Variants in NSUN7 observed in about 807,000 individuals in gnomAD.
NSUN7 encodes NOP2/Sun RNA methyltransferase family member 7, also known as protein NSUN7.
Under a neutral mutation model 58.5 loss-of-function variants are expected in NSUN7, and 39 were observed. That is an observed-to-expected ratio of 0.67 (90% CI 0.52 to 0.87). The LOEUF is 0.87. Ranked by LOEUF, NSUN7 falls within the 40% of genes least tolerant of loss-of-function variation. The pLI is 0.00. For missense variants in NSUN7, 765 were observed against 844.1 expected (o/e 0.91, Z 1.16); for synonymous variants, 278 against 303.7 (o/e 0.92, Z 0.88).
chr4:40,761,601 A>G (rs952628340), intron 4 of NSUN7, among the ~76,000 whole-genome samples: 2 of 152,184 alleles, frequency 1.3e-5, no homozygotes, highest in Admixed American at 6.5e-5. Flanking sequence ...ACAGCTACTA[A>G]TTGCTTAGTT....
At chr4:40,774,137 G>A (rs1742150200) in intron 4 of NSUN7, 128 bp from the exon 5 acceptor site, 2 of 872,578 alleles carry the variant, frequency 2.3e-6, no homozygotes, top group Non-Finnish European at 3.6e-6. Context: ...TTTTATTTTA[G>A]ACTTCAAAAA....
chr4:40,756,104 C>G (rs1361516567), intron 2 of NSUN7, among the ~76,000 whole-genome samples: 1 of 152,114 alleles, frequency 6.6e-6, no homozygotes, highest in South Asian at 2.1e-4. Flanking sequence ...AAAAAAGTAC[C>G]TTTGTCAGAC....
intron 7 of NSUN7, among the ~76,000 whole-genome samples, chr4:40,788,023 T>C (rs956705339): frequency 5.3e-5 from 8 of 152,108 alleles, no homozygotes; most frequent in Non-Finnish European, 8.8e-5. Flanking sequence ...TTAGTAGAGA[T>C]GGGGTTTCAC....
chr4:40,792,731 G>C (rs12330943), intron 8 of NSUN7, among the ~76,000 whole-genome samples: 69 of 151,592 alleles, frequency 4.6e-4, no homozygotes, highest in African/African-American at 1.4e-3. Context: ...CAGCCTGGGC[G>C]ACAGCAAGAC....
chr4:40,793,088 T>C (rs777387756), intron 8 of NSUN7, among the ~76,000 whole-genome samples: 43 of 152,110 alleles, frequency 2.8e-4, no homozygotes, highest in Non-Finnish European at 4.6e-4. Context: ...GACTTTGGAG[T>C]ATAATAATTT....
Position 40,750,895 on chromosome 4 carries a change from A to C in NSUN7, c.202A>C (p.Ile68Leu). 1 of 1,614,216 alleles carries C rather than the reference A, an allele frequency of 6.2e-7. No homozygotes were observed. The highest frequency in any genetic ancestry group is 8.5e-7 in the Non-Finnish European group (1 of 1,180,038). ...CGAAAAGTCGGCACAGAAAGTCTTA[A>C]TCAAGTATGGGAATGAACCCCTGCG... ...RIEKSAQKVL[I>L]KYGNEPLRSL... is the part of the protein sequence containing the mutation. The change falls in exon 2 of 12, where the codon ATC becomes CTC. Residue 68 changes from isoleucine (I) to leucine (L), a missense_variant. Ile to Leu is a conservative substitution (Grantham distance 5). Transcript: ENST00000381782.
rs548487436 is a variant in NSUN7, at chr4:40,750,306, G to A, written c.-92+6G>A. Reference sequence around the variant, plus strand: ...GGGAACCATCCGCCCTCGGGGTAAGGGAGGAGTCGGGGGAGCCGGTGACTG... The same window carrying A: ...GGGAACCATCCGCCCTCGGGGTAAGAGAGGAGTCGGGGGAGCCGGTGACTG... On this transcript the variant is annotated splice_donor_region_variant and intron_variant, in intron 1 of 11. Coordinates refer to ENST00000381782, the MANE Select transcript of NSUN7 (RefSeq NM_024677.6). 5.4e-4 allele frequency: 96 copies of A among 178,962 alleles called. No homozygotes were observed. Among genetic ancestry groups the A allele is most frequent in the African/African-American group, 2.2e-3 (94 of 42,176 alleles). 11.1% of individuals were successfully genotyped at this position (178,962 alleles called of 1,614,324 possible).
intron 7 of NSUN7, among the ~76,000 whole-genome samples, chr4:40,788,128 C>T (rs993801135): frequency 3.9e-5 from 6 of 152,182 alleles, no homozygotes; most frequent in African/African-American, 1.4e-4. Flanking sequence ...CCACCGTGCC[C>T]GGCCGAGGTT....
At chr4:40,772,327 C>T (rs1424349829) in intron 4 of NSUN7, among the ~76,000 whole-genome samples, 1 of 152,140 alleles carries the variant, frequency 6.6e-6, no homozygotes, top group East Asian at 1.9e-4. Context: ...AGTCTATACT[C>T]AGAATATCTC....
At chr4:40,801,123 A>C (rs1481979648) in intron 10 of NSUN7, among the ~76,000 whole-genome samples, 1 of 152,098 alleles carries the variant, frequency 6.6e-6, no homozygotes, top group African/African-American at 2.4e-5. Context: ...AAGATTTCTT[A>C]CCTAAACTCT....
chr4:40,757,686 A>C (rs1222678339), intron 2 of NSUN7, among the ~76,000 whole-genome samples: 1 of 142,520 alleles, frequency 7.0e-6, no homozygotes, highest in Non-Finnish European at 1.5e-5. Flanking sequence ...ATATATATAC[A>C]CACTGTGTAT....
chr4:40,792,912 G>A (rs1037454413), intron 8 of NSUN7, among the ~76,000 whole-genome samples: 5 of 152,130 alleles, frequency 3.3e-5, no homozygotes, highest in African/African-American at 1.2e-4. Flanking sequence ...GAATCCGAAA[G>A]ATTATTTTAT....
intron 7 of NSUN7, 122 bp from the exon 8 acceptor site, chr4:40,790,480 C>T (rs972868481): frequency 3.3e-6 from 2 of 609,796 alleles, no homozygotes; most frequent in South Asian, 2.8e-5. Context: ...TTTCTAACTA[C>T]ATCAAAATGA....
intron 7 of NSUN7, among the ~76,000 whole-genome samples, chr4:40,788,914 A>G (rs1407143213): frequency 1.3e-5 from 2 of 152,192 alleles, no homozygotes; most frequent in African/African-American, 4.8e-5. Context: ...GAGTTTTCAA[A>G]TAGTTGAGCA....
intron 7 of NSUN7, among the ~76,000 whole-genome samples, 155 bp from the exon 8 acceptor site, chr4:40,790,443 GTAGA>G (rs909901207): frequency 1.3e-5 from 2 of 152,156 alleles, no homozygotes; most frequent in African/African-American, 4.8e-5. Flanking sequence ...TTAACTTTGG[GTAGA>G]TATCAGAGAA....
chr4:40,761,757 T>C (rs74841992), intron 4 of NSUN7, among the ~76,000 whole-genome samples: 43,920 of 152,054 alleles, frequency 0.29, 6,726 homozygotes, highest in Non-Finnish European at 0.34. Flanking sequence ...TTAAATTTGT[T>C]TTCTTTTTAT....
At position 40,761,265 on chromosome 4, in the gene NSUN7, T is replaced by A. The variant is rs139200641; in HGVS notation, c.452T>A (p.Ile151Lys). ...TRVLSDNEEP[I>K]SEVQEVENLL... The stretch of plus-strand genomic sequence containing the variant: ...GTCCTTTCTGATAATGAAGAGCCCA[T>A]ATCAGAAGTTCAAGAAGTAGAGAAC... The change falls in exon 4 of 12, where the codon ATA (isoleucine) becomes AAA (lysine). Residue 151 changes from isoleucine (I) to lysine (K), a missense_variant. By Grantham distance (102) the Ile-to-Lys change is moderately radical. Transcript: ENST00000381782. 15 of 1,597,870 alleles carry A rather than the reference T, an allele frequency of 9.4e-6. No individual in the cohort carries two copies. Among genetic ancestry groups the A allele is most frequent in the Non-Finnish European group, 1.3e-5 (15 of 1,175,630 alleles).
chr4:40,770,760 T>A (rs992624983), intron 4 of NSUN7, among the ~76,000 whole-genome samples: 3 of 152,054 alleles, frequency 2.0e-5, no homozygotes, highest in Non-Finnish European at 2.9e-5. Context: ...CATTTAAAAA[T>A]AAACTGAGGT....
intron 10 of NSUN7, among the ~76,000 whole-genome samples, chr4:40,800,275 T>G (rs921191997): frequency 2.0e-5 from 3 of 152,204 alleles, no homozygotes; most frequent in African/African-American, 7.2e-5. Flanking sequence ...CAGTGTACTG[T>G]GGAGTGGTTA....
Sources: gnomAD v4.1 joint callset for allele counts (sites outside exome capture counted in the v4.1 genomes callset) on GRCh38, gnomAD v4.1.1 for gene constraint, MANE v1.5 for transcripts, NCBI Gene and HGNC (gene_info 2026-07-23, HGNC 2026-07-21) for gene names.